The following MAP4K4 variants were observed in gnomAD, a reference collection of about 807,000 sequenced individuals.
MAP4K4 encodes HPK/GCK-like kinase HGK.
In MAP4K4, 38 loss-of-function variants were observed where a neutral mutation model predicts 189.6. That is an observed-to-expected ratio of 0.20 (90% CI 0.15 to 0.26). The LOEUF (loss-of-function observed/expected upper bound fraction) is 0.26, where lower values mean the gene tolerates loss of function less well. MAP4K4 is among the 10% of genes least tolerant of loss of function. MAP4K4 has a pLI of 1.00. For synonymous variants in MAP4K4, 610 were observed against 624.3 expected (o/e 0.98, Z 0.34); for missense variants, 1,054 against 1,726.9 (o/e 0.61, Z 6.91).
At chr2:101,799,063 G>A (rs1219406818) in intron 3 of MAP4K4, among the ~76,000 whole-genome samples, 1 of 152,056 alleles carries the variant, frequency 6.6e-6, no homozygotes, top group Admixed American at 6.6e-5. Context: ...CTCTTTCCCA[G>A]GAACATAAAT....
chr2:101,878,323 T>TG (rs2098274551), intron 27 of MAP4K4, among the ~76,000 whole-genome samples: 1 of 152,202 alleles, frequency 6.6e-6, no homozygotes, highest in South Asian at 2.1e-4. Flanking sequence ...GAACAGTTGT[T>TG]GCAGTACACT....
At chr2:101,845,250 G>A (rs1266549248) in intron 12 of MAP4K4, among the ~76,000 whole-genome samples, 3 of 151,962 alleles carry the variant, frequency 2.0e-5, no homozygotes, top group African/African-American at 7.2e-5. Context: ...ATTTGAACCT[G>A]GAAGTTGTAG....
chr2:101,703,699 A>G (rs1375201457), intron 2 of MAP4K4, among the ~76,000 whole-genome samples: 1 of 151,484 alleles, frequency 6.6e-6, no homozygotes, highest in East Asian at 2.0e-4. Context: ...GTAAAGTGCC[A>G]TATAGATTGT....
chr2:101,791,577 A>G (rs2092888381), intron 3 of MAP4K4, among the ~76,000 whole-genome samples: 3 of 152,208 alleles, frequency 2.0e-5, no homozygotes, highest in African/African-American at 7.2e-5. Flanking sequence ...GATTCTAGAA[A>G]GAGTTCACTA....
At chr2:101,771,745 A>T (rs1471305701) in intron 2 of MAP4K4, among the ~76,000 whole-genome samples, 2 of 152,240 alleles carry the variant, frequency 1.3e-5, no homozygotes, top group African/African-American at 4.8e-5. Flanking sequence ...CCTCATTTAC[A>T]TGAGGAGTTG....
chr2:101,738,706 A>G (rs911818332), intron 2 of MAP4K4, among the ~76,000 whole-genome samples: 2 of 151,950 alleles, frequency 1.3e-5, no homozygotes, highest in Non-Finnish European at 2.9e-5. Flanking sequence ...TGAAGATCTG[A>G]TGACCACTCT....
At chr2:101,710,868 G>T (rs1398316577) in intron 2 of MAP4K4, among the ~76,000 whole-genome samples, 3 of 152,184 alleles carry the variant, frequency 2.0e-5, no homozygotes, top group Non-Finnish European at 4.4e-5. Flanking sequence ...AAAGATAGGA[G>T]GGGTGTGTTC....
At chr2:101,817,723 G>A (rs1416288626) in intron 3 of MAP4K4, among the ~76,000 whole-genome samples, 1 of 152,224 alleles carries the variant, frequency 6.6e-6, no homozygotes, top group Non-Finnish European at 1.5e-5. Context: ...GCCATTGCAT[G>A]CTGGGTTTGG....
At chr2:101,825,252 C>A in intron 4 of MAP4K4, 67 bp from the exon 5 acceptor site, 3 of 875,062 alleles carry the variant, frequency 3.4e-6, no homozygotes, top group African/African-American at 1.7e-5. Context: ...GAGGGCATGG[C>A]GGTTAAACTG....
At chr2:101,737,548 A>G (rs1293160772) in intron 2 of MAP4K4, among the ~76,000 whole-genome samples, 1 of 136,326 alleles carries the variant, frequency 7.3e-6, no homozygotes, top group African/African-American at 2.8e-5. Flanking sequence ...AATGTTACGT[A>G]TTAATATCAG....
Position 101,750,664 on chromosome 2 carries a change from A to T in MAP4K4, c.124-40056A>T, listed in dbSNP as rs188176149. ...ACCCTAAAACTTAAAGTATATATATAAAAAAAAAAAGTTAGCCAGGCGTGG... is the reference window on the plus strand; with the variant it reads ...ACCCTAAAACTTAAAGTATATATATTAAAAAAAAAAGTTAGCCAGGCGTGG... On this transcript the variant is annotated intron_variant, in intron 2 of 32. Transcript: ENST00000324219. Among the ~76,000 whole-genome samples the T allele has an allele frequency of 4.3e-3, 630 of 145,404 alleles. 4 individuals carry two copies. Among genetic ancestry groups the T allele is most frequent in the Admixed American group, 0.013 (179 of 13,930 alleles).
intron 2 of MAP4K4, among the ~76,000 whole-genome samples, chr2:101,777,336 G>A (rs2084755698): frequency 6.6e-6 from 1 of 152,170 alleles, no homozygotes; most frequent in African/African-American, 2.4e-5. Context: ...GGTGTGCTTT[G>A]GGCACTGTGT....
At chr2:101,823,423 A>C (rs1265890211) in intron 3 of MAP4K4, among the ~76,000 whole-genome samples, 1 of 152,168 alleles carries the variant, frequency 6.6e-6, no homozygotes, top group Non-Finnish European at 1.5e-5. Flanking sequence ...GCCTGCGTTC[A>C]TGTATTCAGT....
intron 2 of MAP4K4, among the ~76,000 whole-genome samples, chr2:101,742,948 T>C (rs561480184): frequency 2.0e-5 from 3 of 152,364 alleles, no homozygotes; most frequent in East Asian, 3.9e-4. Flanking sequence ...AGAGGCTTTT[T>C]ATCAGGCCCA....
rs755174106 is a variant in MAP4K4 at position 101,873,760 on chromosome 2, T to C, written c.3066T>C (p.Ser1022=). Residue 1022 remains serine, a synonymous_variant, in exon 25 of 33, where the codon TCT becomes TCC. Transcript: ENST00000324219. ...CATCTAGCGGAACAACAGTGACATC[T>C]GTGGGTAAGTACAGTAGCAACAAGA... 1.9e-6 allele frequency: 3 copies of C among 1,590,024 alleles called. No individual in the cohort carries two copies. The African/African-American group carries it at 4.0e-5, about 21-fold the overall frequency.
intron 12 of MAP4K4, among the ~76,000 whole-genome samples, chr2:101,848,177 A>G (rs542604640): frequency 2.0e-5 from 3 of 152,360 alleles, no homozygotes; most frequent in East Asian, 1.9e-4. Context: ...TAAGCAACAC[A>G]TGACTGTACT....
At chr2:101,850,898 T>A (rs1367644284) in intron 12 of MAP4K4, among the ~76,000 whole-genome samples, 7 of 151,836 alleles carry the variant, frequency 4.6e-5, no homozygotes, top group Non-Finnish European at 1.0e-4. Flanking sequence ...AACTTACAAA[T>A]AAAAAAACTC....
chr2:101,808,530 G>T, intron 3 of MAP4K4, among the ~76,000 whole-genome samples: 1 of 150,106 alleles, frequency 6.7e-6, no homozygotes, highest in African/African-American at 2.5e-5. Flanking sequence ...TATTCCCCCT[G>T]TTACACCACC....
chr2:101,867,354 G>A, intron 20 of MAP4K4, 45 bp downstream of exon 20: 1 of 1,406,144 alleles, frequency 7.1e-7, no homozygotes, highest in Non-Finnish European at 9.9e-7. Flanking sequence ...AGACTTGAAT[G>A]AGATCTTTCT....
Sources: gnomAD v4.1 joint callset for allele counts (sites outside exome capture counted in the v4.1 genomes callset) on GRCh38, gnomAD v4.1.1 for gene constraint, MANE v1.5 for transcripts, NCBI Gene and HGNC (gene_info 2026-07-23, HGNC 2026-07-21) for gene names.